The following DENND1A variants were observed in gnomAD, a reference collection of about 807,000 sequenced individuals.
DENND1A encodes the protein DENN domain containing 1A, also known as DENN domain-containing protein 1A.
Under a neutral mutation model 113.7 loss-of-function variants are expected in DENND1A, and 51 were observed. That is an observed-to-expected ratio of 0.45 (90% CI 0.36 to 0.57). The LOEUF (loss-of-function observed/expected upper bound fraction) is 0.57. Among genes scored for constraint, DENND1A ranks in the 20% least tolerant of loss-of-function variants. The pLI, the probability that DENND1A is intolerant of heterozygous loss-of-function variation, is 0.00. For synonymous variants in DENND1A, 565 were observed against 570.8 expected, an observed-to-expected ratio of 0.99 and a Z score of 0.14; for missense variants, 1,258 against 1,395.9, an observed-to-expected ratio of 0.90 and a Z score of 1.57.
At chr9:123,576,357 T>C (rs1290800438) in intron 12 of DENND1A, among the ~76,000 whole-genome samples, 1 of 152,238 alleles carries the variant, frequency 6.6e-6, no homozygotes, top group Non-Finnish European at 1.5e-5. Context: ...TGTATCCATA[T>C]ATTTACTATC....
intron 5 of DENND1A, among the ~76,000 whole-genome samples, chr9:123,711,522 T>TAC (rs1432283991): frequency 2.8e-5 from 4 of 142,892 alleles, no homozygotes; most frequent in East Asian, 2.0e-4. Flanking sequence ...TGTATATATA[T>TAC]ATATATATAT....
intron 2 of DENND1A, among the ~76,000 whole-genome samples, chr9:123,823,067 G>A (rs1258365155): frequency 6.6e-6 from 1 of 152,124 alleles, no homozygotes; most frequent in African/African-American, 2.4e-5. Flanking sequence ...TACTTATTGT[G>A]TACTTACTAT....
rs559296534 is a variant in DENND1A, at chr9:123,497,795, T to G, written c.994-39898A>C. ...GCTATTTCTAGTTTTATTTCCACAG[T>G]CCAATCTCTCTTCCATCCAAAAAAA... On this transcript the variant is annotated intron_variant, in intron 13 of 23. Transcript: ENST00000394215. Among the ~76,000 whole-genome samples the G allele has an allele frequency of 3.4e-4, 46 of 135,616 alleles. No individual in the cohort carries two copies. In the South Asian group the frequency reaches 0.011, roughly 31 times the overall value. 89.0% of individuals were successfully genotyped at this position (135,616 alleles called of 152,430 possible).
chr9:123,877,363 C>A (rs1378270790), intron 2 of DENND1A, among the ~76,000 whole-genome samples: 1 of 151,842 alleles, frequency 6.6e-6, no homozygotes, highest in Non-Finnish European at 1.5e-5. Context: ...GTGGTGGGCA[C>A]CTGTAATCCC....
intron 5 of DENND1A, among the ~76,000 whole-genome samples, chr9:123,715,913 C>T (rs532512713): frequency 5.1e-4 from 78 of 152,070 alleles, no homozygotes; most frequent in African/African-American, 1.8e-3. Flanking sequence ...TGGCCTCAAG[C>T]GATCCCCCCA....
chr9:123,397,902 T>A (rs1057117115), intron 21 of DENND1A, among the ~76,000 whole-genome samples: 1 of 152,198 alleles, frequency 6.6e-6, no homozygotes, highest in South Asian at 2.1e-4. Context: ...CCCTTCTTAC[T>A]TAGTACAGTG....
intron 13 of DENND1A, chr9:123,462,007 T>A (rs949321402): frequency 2.6e-5 from 4 of 152,140 alleles, no homozygotes; most frequent in African/African-American, 9.7e-5. Context: ...ACATGATAAG[T>A]GGACACTTCG....
At chr9:123,871,696 C>A (rs1846640827) in intron 2 of DENND1A, among the ~76,000 whole-genome samples, 1 of 152,130 alleles carries the variant, frequency 6.6e-6, no homozygotes, top group South Asian at 2.1e-4. Flanking sequence ...CTTAGGCATG[C>A]CTTTCAGAGT....
At chr9:123,703,443 T>G (rs2140729774) in intron 5 of DENND1A, among the ~76,000 whole-genome samples, 1 of 152,320 alleles carries the variant, frequency 6.6e-6, no homozygotes, top group East Asian at 1.9e-4. Context: ...CCTGTTATAG[T>G]TATGTTTTTT....
At chr9:123,424,499 C>A (rs1270364165) in intron 19 of DENND1A, among the ~76,000 whole-genome samples, 1 of 152,228 alleles carries the variant, frequency 6.6e-6, no homozygotes, top group Non-Finnish European at 1.5e-5. Flanking sequence ...TGAGCAATGT[C>A]CGTGGGATCA....
chr9:123,812,192 G>A (rs1159220538), intron 2 of DENND1A, among the ~76,000 whole-genome samples: 1 of 151,950 alleles, frequency 6.6e-6, no homozygotes, highest in East Asian at 1.9e-4. Flanking sequence ...GAGTTGTTTT[G>A]TATTTTTAAC....
intron 13 of DENND1A, among the ~76,000 whole-genome samples, chr9:123,494,365 G>A (rs2051670531): frequency 6.6e-6 from 1 of 152,116 alleles, no homozygotes; most frequent in African/African-American, 2.4e-5. Context: ...CACCCTCTTG[G>A]ATCAAACCTG....
At chr9:123,748,305 T>C (rs2069702864) in intron 5 of DENND1A, among the ~76,000 whole-genome samples, 1 of 152,238 alleles carries the variant, frequency 6.6e-6, no homozygotes, top group African/African-American at 2.4e-5. Flanking sequence ...AGATTTCTTT[T>C]CTTTTCTGCA....
At chr9:123,503,790 C>T (rs2052689113) in intron 13 of DENND1A, among the ~76,000 whole-genome samples, 1 of 152,186 alleles carries the variant, frequency 6.6e-6, no homozygotes, top group Non-Finnish European at 1.5e-5. Flanking sequence ...TGCATCTCCC[C>T]ATCACCAACA....
At chr9:123,864,990 G>A (rs544239899) in intron 2 of DENND1A, among the ~76,000 whole-genome samples, 3 of 152,218 alleles carry the variant, frequency 2.0e-5, no homozygotes, top group Admixed American at 6.5e-5. Context: ...GAGCATGACT[G>A]TACAGGGTCC....
intron 12 of DENND1A, among the ~76,000 whole-genome samples, chr9:123,577,075 C>G (rs1348871247): frequency 6.6e-6 from 1 of 151,958 alleles, no homozygotes; most frequent in East Asian, 1.9e-4. Context: ...TTCTGTCTTT[C>G]CTCACCTTCC....
intron 13 of DENND1A, among the ~76,000 whole-genome samples, chr9:123,477,870 A>G (rs185318020): frequency 2.3e-3 from 348 of 152,272 alleles, no homozygotes; most frequent in Non-Finnish European, 3.3e-3. Context: ...AAGGTTGTTA[A>G]CTTCAAAGGC....
At chr9:123,460,740 C>T (rs1195398893) in intron 13 of DENND1A, among the ~76,000 whole-genome samples, 1 of 152,240 alleles carries the variant, frequency 6.6e-6, no homozygotes, top group Non-Finnish European at 1.5e-5. Flanking sequence ...ACACTCCTCT[C>T]CTGTTTCGTC....
At chr9:123,589,665 A>AC (rs2059365549) in intron 11 of DENND1A, among the ~76,000 whole-genome samples, 1 of 151,482 alleles carries the variant, frequency 6.6e-6, no homozygotes, top group African/African-American at 2.4e-5. Flanking sequence ...AAAAAAAAAA[A>AC]AAAAAAAACT....
Sources: allele counts gnomAD v4.1 joint callset (sites outside exome capture counted in the v4.1 genomes callset), GRCh38; gene constraint gnomAD v4.1.1; transcripts MANE v1.5; gene names NCBI Gene and HGNC (gene_info 2026-07-23, HGNC 2026-07-21).